Variants in CCDC172 observed in about 807,000 individuals in gnomAD.
CCDC172 encodes the protein coiled-coil domain-containing protein 172.
Under a neutral mutation model 38.0 loss-of-function variants are expected in CCDC172, and 30 were observed. The ratio of observed to expected loss-of-function variants is 0.79; its 90% CI spans 0.59 to 1.07. CCDC172 has a LOEUF of 1.07. Ranked by LOEUF, CCDC172 falls within the 50% of genes least tolerant of loss-of-function variation. CCDC172 has a pLI of 0.00. For synonymous variants in CCDC172, 78 were observed against 88.3 expected (o/e 0.88, Z 0.66); for missense variants, 297 against 290.1 (o/e 1.02, Z -0.17).
intron 7 of CCDC172, among the ~76,000 whole-genome samples, chr10:116,376,632 A>G (rs948580845): frequency 1.3e-5 from 2 of 150,072 alleles, no homozygotes; most frequent in Non-Finnish European, 2.9e-5. Flanking sequence ...TCAAACTTGT[A>G]TGATATTAGT....
intron 7 of CCDC172, among the ~76,000 whole-genome samples, chr10:116,363,953 T>C (rs1169790808): frequency 6.7e-6 from 1 of 150,018 alleles, no homozygotes; most frequent in Non-Finnish European, 1.5e-5. Context: ...AAAAAAATAA[T>C]AATAATAGAT....
At chr10:116,362,796 C>A (rs969698774) in intron 7 of CCDC172, among the ~76,000 whole-genome samples, 6 of 152,078 alleles carry the variant, frequency 3.9e-5, no homozygotes, top group African/African-American at 1.4e-4. Flanking sequence ...CTGAATATTT[C>A]TGTTGACTCT....
chr10:116,346,512 G>C (rs1454683650), intron 5 of CCDC172, among the ~76,000 whole-genome samples: 1 of 151,894 alleles, frequency 6.6e-6, no homozygotes, highest in East Asian at 1.9e-4. Context: ...AACTGTGAAG[G>C]GTCACAAATA....
At chr10:116,327,362 TA>T (rs1264569607) in intron 3 of CCDC172, among the ~76,000 whole-genome samples, 4 of 152,182 alleles carry the variant, frequency 2.6e-5, no homozygotes, top group Admixed American at 6.5e-5. Flanking sequence ...TTAATATTTT[TA>T]AAAGGTTGCT....
intron 7 of CCDC172, among the ~76,000 whole-genome samples, chr10:116,370,439 C>T (rs1370120796): frequency 6.6e-6 from 1 of 151,840 alleles, no homozygotes; most frequent in African/African-American, 2.4e-5. Context: ...AATGACTATC[C>T]AGTTTTCTCA....
chr10:116,361,956 A>G (rs1845070422), intron 7 of CCDC172, among the ~76,000 whole-genome samples: 1 of 152,158 alleles, frequency 6.6e-6, no homozygotes, highest in Non-Finnish European at 1.5e-5. Context: ...TGGGAGGCCA[A>G]CGGGGGCAGA....
At position 116,371,429 on chromosome 10, in the gene CCDC172, T is replaced by C. The variant is rs993548395; in HGVS notation, c.654-6994T>C. ...AGTGTATTATTTATTTAATGTGGTATTGGATTCTTTTTACTAATATTTTAT... is the reference window on the plus strand; with the variant it reads ...AGTGTATTATTTATTTAATGTGGTACTGGATTCTTTTTACTAATATTTTAT... On this transcript the variant is annotated intron_variant, in intron 7 of 8. Coordinates refer to ENST00000333254, the MANE Select transcript of CCDC172 (RefSeq NM_198515.3). Among the ~76,000 whole-genome samples, 4 of 151,998 alleles carry C rather than the reference T, an allele frequency of 2.6e-5. No individual in the cohort carries two copies. The South Asian group carries it at 8.3e-4, about 32-fold the overall frequency.
intron 5 of CCDC172, among the ~76,000 whole-genome samples, chr10:116,356,358 G>A (rs1320101301): frequency 1.1e-5 from 1 of 91,998 alleles, no homozygotes; most frequent in Non-Finnish European, 1.8e-5. Flanking sequence ...AGAAAGAAAG[G>A]GGGGGAGGAG....
At chr10:116,330,603 GA>G (rs1844649604) in intron 3 of CCDC172, among the ~76,000 whole-genome samples, 1 of 149,320 alleles carries the variant, frequency 6.7e-6, no homozygotes, top group Admixed American at 6.8e-5. Flanking sequence ...TAGTATCAAA[GA>G]AGAATATGCA....
At chr10:116,376,858 AG>A (rs1173006636) in intron 7 of CCDC172, among the ~76,000 whole-genome samples, 2 of 152,124 alleles carry the variant, frequency 1.3e-5, no homozygotes, top group African/African-American at 2.4e-5. Flanking sequence ...AATTCCAGGG[AG>A]AGAGGAGGTA....
intron 5 of CCDC172, among the ~76,000 whole-genome samples, chr10:116,356,414 A>AAGGAAGGAAGGAAC (rs1844997918): frequency 7.5e-6 from 1 of 133,682 alleles, no homozygotes; most frequent in East Asian, 3.1e-4. Flanking sequence ...AAGGAAGGAA[A>AAGGAAGGAAGGAAC]CCTGATATGA....
chr10:116,327,596 A>C (rs939262261), intron 3 of CCDC172, among the ~76,000 whole-genome samples: 1 of 152,140 alleles, frequency 6.6e-6, no homozygotes, highest in Non-Finnish European at 1.5e-5. Flanking sequence ...CATTGTTTAG[A>C]AACATTTGTT....
chr10:116,376,586 A>G (rs1437125918), intron 7 of CCDC172, among the ~76,000 whole-genome samples: 1 of 152,224 alleles, frequency 6.6e-6, no homozygotes, highest in Non-Finnish European at 1.5e-5. Context: ...GTCTGTGCTG[A>G]TTTGGCAATA....
intron 7 of CCDC172, among the ~76,000 whole-genome samples, chr10:116,366,633 C>T (rs552416331): frequency 3.3e-4 from 51 of 152,260 alleles, no homozygotes; most frequent in African/African-American, 1.1e-3. Flanking sequence ...TTTGGTATCA[C>T]CAGCAGTGCT....
At chr10:116,372,116 A>G (rs943270156) in intron 7 of CCDC172, among the ~76,000 whole-genome samples, 1 of 152,058 alleles carries the variant, frequency 6.6e-6, no homozygotes, top group South Asian at 2.1e-4. Context: ...CCCTATTTAC[A>G]TGTAATTTCA....
chr10:116,343,146 A>T (rs1159262151), intron 5 of CCDC172, among the ~76,000 whole-genome samples: 1 of 152,074 alleles, frequency 6.6e-6, no homozygotes, highest in East Asian at 1.9e-4. Context: ...ATTCTATTAT[A>T]GCATTAGCTT....
Position 116,340,200 on chromosome 10 carries a change from T to C in CCDC172, c.166-534T>C, listed in dbSNP as rs369914935. Among the ~76,000 whole-genome samples, 20 of 152,084 alleles carry C rather than the reference T, an allele frequency of 1.3e-4. No individual in the cohort carries two copies. The East Asian group carries it at 3.7e-3, about 28-fold the overall frequency. On this transcript the variant is annotated intron_variant, in intron 3 of 8. Transcript: ENST00000333254. ...CCAAATGAAGTATTAAAATAAAAAA[T>C]GAGTTCTCAAAACCCATTTAAGGTC...
At chr10:116,357,243 A>G (rs1845009528) in intron 5 of CCDC172, 137 bp from the exon 6 acceptor site, 3 of 560,214 alleles carry the variant, frequency 5.4e-6, no homozygotes, top group African/African-American at 2.0e-5. Context: ...ATAGACATGG[A>G]TATCTTTTCA....
chr10:116,352,965 G>A (rs185552810), intron 5 of CCDC172, among the ~76,000 whole-genome samples: 223 of 152,070 alleles, frequency 1.5e-3, no homozygotes, highest in African/African-American at 5.0e-3. Flanking sequence ...AGGCCAAGGC[G>A]GGTGGATCAC....
Sources: allele counts gnomAD v4.1 joint callset (sites outside exome capture counted in the v4.1 genomes callset), GRCh38; gene constraint gnomAD v4.1.1; transcripts MANE v1.5; gene names NCBI Gene and HGNC (gene_info 2026-07-23, HGNC 2026-07-21).